Variants in DIS3L2 observed in about 807,000 individuals in gnomAD.
The protein encoded by DIS3L2 is DIS3 like 3'-5' exoribonuclease 2, also known as DIS3-like exonuclease 2.
DIS3L2 carries 34 observed loss-of-function variants against 97.5 expected under a neutral mutation model. That is an observed-to-expected ratio of 0.35 (90% CI 0.27 to 0.46). The LOEUF (loss-of-function observed/expected upper bound fraction) is 0.46, where lower values mean the gene tolerates loss of function less well. Among genes scored for constraint, DIS3L2 ranks in the 20% least tolerant of loss-of-function variants. The pLI is 1.00. For missense variants in DIS3L2, 1,038 were observed against 1,146.0 expected (o/e 0.91, Z 1.36); for synonymous variants, 435 against 445.2 (o/e 0.98, Z 0.29).
At chr2:232,224,858 A>G (rs981302601) in intron 10 of DIS3L2, among the ~76,000 whole-genome samples, 1 of 151,918 alleles carries the variant, frequency 6.6e-6, no homozygotes, top group Non-Finnish European at 1.5e-5. Context: ...AAAAAAAGAA[A>G]AAAAATTGTT....
intron 5 of DIS3L2, among the ~76,000 whole-genome samples, chr2:232,087,030 C>T (rs1328160139): frequency 2.6e-5 from 4 of 152,160 alleles, no homozygotes; most frequent in Admixed American, 2.0e-4. Flanking sequence ...CTTGTTCACA[C>T]TTAATTTTGT....
At chr2:232,033,628 A>G (rs185973470) in intron 5 of DIS3L2, among the ~76,000 whole-genome samples, 1 of 152,230 alleles carries the variant, frequency 6.6e-6, no homozygotes, top group African/African-American at 2.4e-5. Flanking sequence ...AGCTCTTACT[A>G]TTTTGAGCTA....
chr2:231,974,674 T>G (rs1051009034), intron 1 of DIS3L2, among the ~76,000 whole-genome samples: 2 of 152,158 alleles, frequency 1.3e-5, no homozygotes, highest in Non-Finnish European at 2.9e-5. Context: ...GTATATGTAT[T>G]TATTTACTTA....
intron 9 of DIS3L2, among the ~76,000 whole-genome samples, chr2:232,194,103 CT>C (rs941369602): frequency 1.3e-5 from 2 of 151,842 alleles, no homozygotes; most frequent in African/African-American, 4.8e-5. Context: ...GAGTAAGACT[CT>C]GTCTCAAAAG....
intron 5 of DIS3L2, among the ~76,000 whole-genome samples, chr2:232,050,897 G>T (rs1242790549): frequency 6.6e-6 from 1 of 152,218 alleles, no homozygotes; most frequent in Non-Finnish European, 1.5e-5. Flanking sequence ...GATGAAGGAG[G>T]TGTATGGAGT....
chr2:232,131,943 C>G (rs1258812141), intron 7 of DIS3L2: 1 of 36,440 alleles, frequency 2.7e-5, no homozygotes, highest in Non-Finnish European at 4.7e-5. Flanking sequence ...TGGCTTTCAG[C>G]AAAAAAAAAA....
At chr2:232,251,117 T>C (rs1197977083) in intron 12 of DIS3L2, among the ~76,000 whole-genome samples, 2 of 152,254 alleles carry the variant, frequency 1.3e-5, no homozygotes, top group Non-Finnish European at 2.9e-5. Flanking sequence ...GTCCAGAGTT[T>C]ACACTTAGCC....
At chr2:232,126,694 A>C (rs1174949069) in intron 6 of DIS3L2, among the ~76,000 whole-genome samples, 2 of 152,222 alleles carry the variant, frequency 1.3e-5, no homozygotes, top group African/African-American at 4.8e-5. Context: ...CAGTATGCCC[A>C]GCTAAAAATT....
At chr2:232,280,818 T>G (rs757002906) in intron 13 of DIS3L2, among the ~76,000 whole-genome samples, 3 of 152,206 alleles carry the variant, frequency 2.0e-5, no homozygotes, top group Non-Finnish European at 2.9e-5. Context: ...GCAAGAGAGA[T>G]AAAACACAGC....
chr2:232,053,607 C>T (rs543970573), intron 5 of DIS3L2, among the ~76,000 whole-genome samples: 3 of 152,314 alleles, frequency 2.0e-5, no homozygotes, highest in South Asian at 4.1e-4. Flanking sequence ...CCCATGGCCC[C>T]CTCAGGTTCA....
rs1575018221 is a variant in DIS3L2, at chr2:232,322,726, G to A, written c.1740-7087G>A. ...TCTCTCTCGTTTTTGTGGCTGCCTT[G>A]GTAACGTGTGGGTGTAAGAGCGTGT... is the stretch of plus-strand genomic sequence containing the variant. On this transcript the variant is annotated intron_variant, in intron 14 of 20. Coordinates refer to ENST00000325385, the MANE Select transcript of DIS3L2 (RefSeq NM_152383.5). Among the ~76,000 whole-genome samples, 4 of 152,332 alleles carry A rather than the reference G, an allele frequency of 2.6e-5. No individual in the cohort carries two copies. The South Asian group carries it at 8.3e-4, about 32-fold the overall frequency.
At chr2:231,979,501 C>G (rs1693190968) in intron 1 of DIS3L2, among the ~76,000 whole-genome samples, 2 of 152,158 alleles carry the variant, frequency 1.3e-5, no homozygotes, top group Admixed American at 1.3e-4. Context: ...AAGCAGTCCA[C>G]CTGCCTTGGC....
At chr2:232,247,472 T>C (rs925648142) in intron 11 of DIS3L2, among the ~76,000 whole-genome samples, 29 of 152,070 alleles carry the variant, frequency 1.9e-4, no homozygotes, top group Non-Finnish European at 3.5e-4. Flanking sequence ...GAGAGACTTG[T>C]GTCTCTTTCT....
At chr2:232,337,455 C>T (rs940279938), downstream of DIS3L2, among the ~76,000 whole-genome samples, 31 of 152,070 alleles carry the variant, frequency 2.0e-4, no homozygotes, top group Admixed American at 6.5e-4. Context: ...GGGAGGAGGG[C>T]CCTCCAGTGC....
chr2:231,990,097 T>C (rs1489014005), intron 1 of DIS3L2, among the ~76,000 whole-genome samples: 3 of 152,132 alleles, frequency 2.0e-5, no homozygotes, highest in Non-Finnish European at 4.4e-5. Context: ...GTGTTTTCTT[T>C]CCACAAGATC....
intron 1 of DIS3L2, among the ~76,000 whole-genome samples, chr2:231,963,548 G>T (rs1020228278): frequency 2.6e-5 from 4 of 152,168 alleles, no homozygotes; most frequent in African/African-American, 9.7e-5. Context: ...TAGGTTGTCT[G>T]TTTAATCTGT....
At position 232,082,747 on chromosome 2, in the gene DIS3L2, C is replaced by T. The variant is rs987400732; in HGVS notation, c.367-4740C>T. ...CCATGAAGATTATCACAAAATCAGA[C>T]GTAGGTTAGTTTTTGAATATGCTCT... On this transcript the variant is annotated intron_variant, in intron 5 of 20. Coordinates refer to ENST00000325385, the MANE Select transcript of DIS3L2 (RefSeq NM_152383.5). Among the ~76,000 whole-genome samples, 8 of 152,266 alleles carry T rather than the reference C, an allele frequency of 5.3e-5. No homozygotes were observed. The South Asian group carries it at 6.2e-4, about 12-fold the overall frequency.
chr2:232,306,047 T>C (rs1694978931), intron 14 of DIS3L2, among the ~76,000 whole-genome samples: 1 of 152,244 alleles, frequency 6.6e-6, no homozygotes, highest in African/African-American at 2.4e-5. Flanking sequence ...TTATCACTTT[T>C]GCATATGTTC....
chr2:232,083,116 T>C (rs966528510), intron 5 of DIS3L2, among the ~76,000 whole-genome samples: 5 of 150,112 alleles, frequency 3.3e-5, no homozygotes, highest in Admixed American at 6.6e-5. Context: ...CCATGACACA[T>C]TGGAATTGTG....
Sources: gnomAD v4.1 joint callset for allele counts (sites outside exome capture counted in the v4.1 genomes callset) on GRCh38, gnomAD v4.1.1 for gene constraint, MANE v1.5 for transcripts, NCBI Gene and HGNC (gene_info 2026-07-23, HGNC 2026-07-21) for gene names.